The following SPIRE2 variants were observed in gnomAD, a reference collection of about 807,000 sequenced individuals.
The protein encoded by SPIRE2 is protein spire homolog 2.
SPIRE2 carries 76 observed loss-of-function variants against 80.7 expected under a neutral mutation model. The observed-to-expected ratio is 0.94, with a 90% CI of 0.78 to 1.14. The LOEUF is 1.14. SPIRE2 is among the 50% of genes most tolerant of loss of function. The probability of loss-of-function intolerance (pLI) is 0.00; values close to 1 mark genes in which losing one functional copy is unlikely to be tolerated. For missense variants in SPIRE2, 1,196 were observed against 1,015.3 expected, an observed-to-expected ratio of 1.18 and a Z score of -2.42; for synonymous variants, 535 against 432.6, an observed-to-expected ratio of 1.24 and a Z score of -2.94.
chr16:89,828,738 G>A lies in SPIRE2; in HGVS notation c.188G>A (p.Gly63Glu). 2 of 1,232,274 alleles carry A rather than the reference G, an allele frequency of 1.6e-6. No homozygotes were observed. Among genetic ancestry groups the A allele is most frequent in the Non-Finnish European group, 2.0e-6 (2 of 985,118 alleles). 76.3% of individuals were successfully genotyped at this position (1,232,274 alleles called of 1,614,324 possible). Residue 63 changes from glycine (G) to glutamate (E), a missense_variant, in exon 1 of 15, where the codon GGG becomes GAG. Transcript: ENST00000378247. The surrounding 1 kb of genome is among the most constrained non-coding windows in gnomAD (Gnocchi z 5.9). ...CCGGGCCGGCGCCTGCGGGATACCGGGGACCTCCTGCTGCGCGGGGACGGC... is the reference window on the plus strand; with the variant it reads ...CCGGGCCGGCGCCTGCGGGATACCGAGGACCTCCTGCTGCGCGGGGACGGC... Reference protein sequence around the residue: ...GSPGRRLRDTGDLLLRGDGSV... With the variant: ...GSPGRRLRDTEDLLLRGDGSV...
intron 3 of SPIRE2, 95 bp downstream of exon 3, chr16:89,850,755 C>A: frequency 1.1e-6 from 1 of 931,102 alleles, no homozygotes; most frequent in Non-Finnish European, 1.5e-6. Context: ...TCTTCGTGGA[C>A]AGAAAGTCAG....
At chr16:89,864,173 C>T (rs138113544) in intron 12 of SPIRE2, among the ~76,000 whole-genome samples, 13 of 152,104 alleles carry the variant, frequency 8.5e-5, no homozygotes, top group African/African-American at 2.4e-4. Flanking sequence ...GGAAACACAA[C>T]GGGGCAAGCC....
intron 12 of SPIRE2, 122 bp from the exon 13 acceptor site, chr16:89,868,067 A>G (rs907937399): frequency 2.8e-6 from 3 of 1,054,362 alleles, no homozygotes; most frequent in African/African-American, 3.1e-5. Context: ...GAAGTAACCA[A>G]GCATCAGGCA....
chr16:89,849,752 A>C, intron 2 of SPIRE2: 1 of 244,640 alleles, frequency 4.1e-6, no homozygotes, highest in Non-Finnish European at 8.1e-6. Flanking sequence ...TATGAAAGTC[A>C]GGGTCCCTGT....
chr16:89,841,312 C>T (rs1032468880), intron 1 of SPIRE2, among the ~76,000 whole-genome samples: 1 of 152,130 alleles, frequency 6.6e-6, no homozygotes, highest in Non-Finnish European at 1.5e-5. Flanking sequence ...CTGGTTCTGC[C>T]TCCCACCTTA....
chr16:89,850,744 C>T (rs1177712353), intron 3 of SPIRE2, 84 bp downstream of exon 3: 2 of 1,044,820 alleles, frequency 1.9e-6, no homozygotes, highest in South Asian at 1.7e-5. Context: ...GCAAGGACGT[C>T]TCTTCGTGGA....
chr16:89,836,470 C>G, intron 1 of SPIRE2: 1 of 306,790 alleles, frequency 3.3e-6, no homozygotes. Flanking sequence ...TCCCTTCCAT[C>G]TCATTTTAAT....
In SPIRE2 at chr16:89,848,482, C is replaced by T. The variant is rs550773040; in HGVS notation, c.289-1822C>T. Among the ~76,000 whole-genome samples the T allele has an allele frequency of 1.8e-3, 270 of 147,522 alleles. 1 individual carries two copies. Among genetic ancestry groups the T allele is most frequent in the Middle Eastern group, 3.6e-3 (1 of 280 alleles). On this transcript the variant is annotated intron_variant, in intron 2 of 14. Coordinates refer to ENST00000378247, the MANE Select transcript of SPIRE2 (RefSeq NM_032451.2). ...ACGAGGCAGGTTCCAGGGCCTTCTG[C>T]GGCGTTTCTGCAGGACAGACGAGGC...
At chr16:89,861,570 C>T (rs2041744996) in intron 10 of SPIRE2, among the ~76,000 whole-genome samples, 1 of 152,208 alleles carries the variant, frequency 6.6e-6, no homozygotes, top group South Asian at 2.1e-4. Flanking sequence ...CAAAAGTTAC[C>T]TCAAAATGCA....
Position 89,828,907 on chromosome 16 carries a change from T to A in SPIRE2, c.244+113T>A. ...CTGCGACCGGTTCTGGAGCGGGAGA[T>A]CCCCTTCTCTGCGGGACCCGGAGCT... On this transcript the variant is annotated intron_variant, in intron 1 of 14. Coordinates refer to ENST00000378247, the MANE Select transcript of SPIRE2 (RefSeq NM_032451.2). This position sits in a 1 kb window ranked among gnomAD's most constrained non-coding sequence, Gnocchi z 5.9. 1.2e-6 allele frequency: 1 copy of A among 867,034 alleles called. No homozygotes were observed. The highest frequency in any genetic ancestry group is 1.5e-6 in the Non-Finnish European group (1 of 680,204). The allele number at this position is 867,034 out of a possible 1,614,324, so 53.7% of individuals were successfully genotyped here.
Position 89,860,714 on chromosome 16 carries a change from C to T in SPIRE2, c.1494C>T (p.Ser498=). ...GTCPASVSDP[S]HPLLSNRGSS... ...GTCCCGCGAGTGTCTCTGACCCCAGCCACCCCCTACTCAGCAACCGGGGCT... is the reference window on the plus strand; with the variant it reads ...GTCCCGCGAGTGTCTCTGACCCCAGTCACCCCCTACTCAGCAACCGGGGCT... Residue 498 remains serine (S), a synonymous_variant, in exon 10 of 15, where the codon AGC becomes AGT. Coordinates refer to ENST00000378247, the MANE Select transcript of SPIRE2 (RefSeq NM_032451.2). 6.3e-7 allele frequency: 1 copy of T among 1,591,678 alleles called. No individual in the cohort carries two copies. The highest frequency in any genetic ancestry group is 8.5e-7 in the Non-Finnish European group (1 of 1,169,672).
intron 1 of SPIRE2, among the ~76,000 whole-genome samples, chr16:89,838,472 C>T (rs1023579627): frequency 9.2e-5 from 14 of 151,688 alleles, no homozygotes; most frequent in African/African-American, 3.4e-4. Flanking sequence ...GCGTGAGCCA[C>T]CGTCCCCAGC....
At chr16:89,854,881 G>A (rs1000763114) in intron 5 of SPIRE2, among the ~76,000 whole-genome samples, 1 of 152,198 alleles carries the variant, frequency 6.6e-6, no homozygotes, top group Admixed American at 6.5e-5. Context: ...AAGGAAGTGT[G>A]GAAGGTTCTG....
rs185620319 is a variant in SPIRE2, at chr16:89,854,630, C to T, written c.870C>T (p.Asn290=). 6.2e-6 allele frequency: 10 copies of T among 1,612,614 alleles called. No individual in the cohort carries two copies. In the Admixed American group the frequency reaches 6.7e-5, roughly 11 times the overall value. The change falls in exon 5 of 15, where the codon AAC becomes AAT. Residue 290 remains asparagine, a synonymous_variant. Transcript: ENST00000378247. ...EMLMQDIRAR[N]YKLRKVMVDG... is the part of the protein sequence containing the mutation. ...TGATGCAGGACATCCGGGCCCGGAA[C>T]TACAAGCTGCGCAAGGTCATGGTGA...
At chr16:89,840,377 A>G (rs978576665) in intron 1 of SPIRE2, among the ~76,000 whole-genome samples, 10 of 149,954 alleles carry the variant, frequency 6.7e-5, no homozygotes, top group Non-Finnish European at 1.3e-4. Flanking sequence ...AGCCTCCCGA[A>G]TAACTGGGAC....
At chr16:89,858,936 C>T (rs902926357) in intron 8 of SPIRE2, among the ~76,000 whole-genome samples, 1 of 152,228 alleles carries the variant, frequency 6.6e-6, no homozygotes, top group African/African-American at 2.4e-5. Flanking sequence ...AGGGCTCTGC[C>T]TCCGTCTGAC....
intron 7 of SPIRE2, 147 bp downstream of exon 7, chr16:89,856,383 C>A: frequency 1.4e-6 from 1 of 737,024 alleles, no homozygotes; most frequent in Non-Finnish European, 1.9e-6. Context: ...ATTTTTGAGG[C>A]ACACAGGCTT....
At chr16:89,854,977 C>T (rs989985926) in intron 5 of SPIRE2, among the ~76,000 whole-genome samples, 4 of 151,788 alleles carry the variant, frequency 2.6e-5, no homozygotes, top group East Asian at 3.9e-4. Flanking sequence ...CTCGCTCTGT[C>T]GCCCAGGCTG....
At chr16:89,844,643 T>C (rs1057192165) in intron 1 of SPIRE2, among the ~76,000 whole-genome samples, 4 of 152,158 alleles carry the variant, frequency 2.6e-5, no homozygotes, top group Admixed American at 6.5e-5. Context: ...TTTCACCGTG[T>C]TAGCCAGGAT....
Sources: allele counts gnomAD v4.1 joint callset (sites outside exome capture counted in the v4.1 genomes callset), GRCh38; gene constraint gnomAD v4.1.1; non-coding constraint Gnocchi (gnomAD v3.1); transcripts MANE v1.5; gene names NCBI Gene and HGNC (gene_info 2026-07-23, HGNC 2026-07-21).